SLX9: variants seen among roughly 807,000 people sequenced by gnomAD.
SLX9 encodes the protein ribosome biogenesis protein SLX9 homolog.
In SLX9, 19 loss-of-function variants were observed where a neutral mutation model predicts 20.8. The ratio of observed to expected loss-of-function variants is 0.91; its 90% CI spans 0.64 to 1.34. The LOEUF (loss-of-function observed/expected upper bound fraction) is 1.34. Among genes scored for constraint, SLX9 ranks in the 40% most tolerant of loss-of-function variants. The pLI is 0.00. For missense variants in SLX9, 299 were observed against 322.2 expected, an observed-to-expected ratio of 0.93 and a Z score of 0.55; for synonymous variants, 113 against 137.1, an observed-to-expected ratio of 0.82 and a Z score of 1.23.
At chr21:44,958,915 A>T (rs1398096341) in intron 2 of SLX9, among the ~76,000 whole-genome samples, 1 of 152,238 alleles carries the variant, frequency 6.6e-6, no homozygotes, top group Non-Finnish European at 1.5e-5. Flanking sequence ...ATTCCAACAC[A>T]ACACAGGTCA....
chr21:44,946,747 C>G (rs1280637346), intron 2 of SLX9, among the ~76,000 whole-genome samples: 1 of 152,232 alleles, frequency 6.6e-6, no homozygotes, highest in African/African-American at 2.4e-5. Flanking sequence ...GGCTCTCAGC[C>G]CAGGGTTCTG....
At chr21:44,948,896 G>A (rs2084700248) in intron 2 of SLX9, among the ~76,000 whole-genome samples, 1 of 152,234 alleles carries the variant, frequency 6.6e-6, no homozygotes, top group Non-Finnish European at 1.5e-5. Context: ...GGTGAAGTGT[G>A]TGTGTGAGCA....
intron 2 of SLX9, among the ~76,000 whole-genome samples, chr21:44,945,178 G>C (rs2146610145): frequency 6.6e-6 from 1 of 152,326 alleles, no homozygotes; most frequent in Middle Eastern, 3.4e-3. Flanking sequence ...GGGCCTCACT[G>C]TGCCTCTAGA....
chr21:44,970,604 G>T (rs2085125801), intron 4 of SLX9, among the ~76,000 whole-genome samples: 1 of 152,238 alleles, frequency 6.6e-6, no homozygotes, highest in Non-Finnish European at 1.5e-5. Context: ...CCGTGTCTCT[G>T]GGAACTGCAT....
chr21:44,956,035 A>G (rs1045763799), intron 2 of SLX9, among the ~76,000 whole-genome samples: 1 of 152,256 alleles, frequency 6.6e-6, no homozygotes, highest in Non-Finnish European at 1.5e-5. Context: ...CCTGCTTTGT[A>G]AAATGCGCGG....
chr21:44,952,613 C>T (rs1378822170), intron 2 of SLX9, among the ~76,000 whole-genome samples: 1 of 152,202 alleles, frequency 6.6e-6, no homozygotes, highest in Non-Finnish European at 1.5e-5. Context: ...GGTTATGTGG[C>T]CCCACGCCCA....
intron 4 of SLX9, 116 bp downstream of exon 4, chr21:44,967,297 A>AG (rs1416252538): frequency 8.7e-6 from 12 of 1,379,698 alleles, no homozygotes; most frequent in Middle Eastern, 4.9e-4. Context: ...GCAGAGGCCG[A>AG]GAGCTGGGGC....
intron 2 of SLX9, among the ~76,000 whole-genome samples, chr21:44,957,483 GC>G (rs1381555522): frequency 2.0e-5 from 3 of 152,222 alleles, no homozygotes; most frequent in East Asian, 3.8e-4. Flanking sequence ...CCATCCATCT[GC>G]CCTGTGCCTT....
chr21:44,945,843 G>C (rs1037461624), intron 2 of SLX9, among the ~76,000 whole-genome samples: 1 of 152,180 alleles, frequency 6.6e-6, no homozygotes, highest in Non-Finnish European at 1.5e-5. Context: ...CCTGAGTAGC[G>C]GGGACGGGAC....
intron 4 of SLX9, among the ~76,000 whole-genome samples, chr21:44,970,276 G>C (rs1406349057): frequency 6.6e-6 from 1 of 152,244 alleles, no homozygotes; most frequent in Non-Finnish European, 1.5e-5. Flanking sequence ...GCCGGTGTTG[G>C]TCTGGACAGA....
chr21:44,969,202 C>T (rs1345791342), intron 4 of SLX9: 2 of 470,170 alleles, frequency 4.3e-6, no homozygotes, highest in South Asian at 3.1e-5. Flanking sequence ...GCGCTGCAGG[C>T]CCAGGCAGCT....
chr21:44,949,505 G>A (rs2084713609), intron 2 of SLX9, among the ~76,000 whole-genome samples: 2 of 152,126 alleles, frequency 1.3e-5, no homozygotes, highest in Non-Finnish European at 2.9e-5. Context: ...CTACCCCCCA[G>A]AACCCTCTGT....
chr21:44,974,925 G>T (rs1299766288), intron 5 of SLX9, among the ~76,000 whole-genome samples: 1 of 152,232 alleles, frequency 6.6e-6, no homozygotes, highest in African/African-American at 2.4e-5. Context: ...TCCTCTTGCA[G>T]ACTGTCTGTC....
At chr21:44,976,315 C>T (rs1288584902) in intron 5 of SLX9, among the ~76,000 whole-genome samples, 3 of 152,166 alleles carry the variant, frequency 2.0e-5, no homozygotes, top group African/African-American at 7.2e-5. Context: ...TCTGTGTGCA[C>T]CTATTTTGGT....
rs2085053804 is a variant in SLX9 at position 44,967,196 on chromosome 21, G to GGGGT, written c.500+18_500+21dup. On this transcript the variant is annotated intron_variant, in intron 4 of 5. Transcript: ENST00000291634. The stretch of plus-strand genomic sequence containing the variant: ...CAAGCCCGCAGGTGAGTGTCCGGGA[G>GGGGT]GGGTGGCCCTTTCCGAGCTGTGGGG... 6.4e-7 allele frequency: 1 copy of GGGGT among 1,552,808 alleles called. No individual in the cohort carries two copies.
At position 44,943,798 on chromosome 21, in the gene SLX9, G is replaced by A. The variant is rs1261777573; in HGVS notation, c.244G>A (p.Ala82Thr). The A allele has an allele frequency of 6.2e-7, 1 of 1,613,048 alleles. No homozygotes were observed. The highest frequency in any genetic ancestry group is 8.5e-7 in the Non-Finnish European group (1 of 1,179,982). ...TGTCACTTCCGTCAGGAGAGGTGAG[G>A]CAGGCTCGAGTGCACGGAGCGTCCC... is the stretch of plus-strand genomic sequence containing the variant. ...RSVTSVRRGE[A>T]GSSARSVPSI... Residue 82 changes from alanine to threonine, a missense_variant, in exon 2 of 6, where the codon GCA (alanine) becomes ACA (threonine). Ala to Thr is a moderately conservative substitution (Grantham distance 58). Transcript: ENST00000291634.
At chr21:44,945,473 C>G (rs975246982) in intron 2 of SLX9, among the ~76,000 whole-genome samples, 1 of 152,208 alleles carries the variant, frequency 6.6e-6, no homozygotes, top group African/African-American at 2.4e-5. Flanking sequence ...TTGGCCCTCT[C>G]CCTTCAAGCC....
intron 4 of SLX9, among the ~76,000 whole-genome samples, chr21:44,972,176 G>C (rs1055432721): frequency 3.3e-5 from 5 of 152,100 alleles, no homozygotes; most frequent in Non-Finnish European, 5.9e-5. Context: ...CCGTCGTCTG[G>C]GTCCCATCTC....
At chr21:44,968,306 C>T (rs2123446139) in intron 4 of SLX9, among the ~76,000 whole-genome samples, 1 of 152,196 alleles carries the variant, frequency 6.6e-6, no homozygotes, top group Admixed American at 6.5e-5. Context: ...GAAGATACCA[C>T]CACCCGGTGA....
Sources: gnomAD v4.1 joint callset for allele counts (sites outside exome capture counted in the v4.1 genomes callset) on GRCh38, gnomAD v4.1.1 for gene constraint, MANE v1.5 for transcripts, NCBI Gene and HGNC (gene_info 2026-07-23, HGNC 2026-07-21) for gene names.